The following PRRC2C variants were observed in gnomAD, a reference collection of about 807,000 sequenced individuals.
The protein encoded by PRRC2C is protein PRRC2C.
Under a neutral mutation model 317.2 loss-of-function variants are expected in PRRC2C, and 72 were observed. The observed-to-expected ratio is 0.23, with a 90% CI of 0.19 to 0.28. PRRC2C has a LOEUF of 0.28. Among genes scored for constraint, PRRC2C ranks in the 10% least tolerant of loss-of-function variants. PRRC2C has a pLI of 1.00. For synonymous variants in PRRC2C, 1,296 were observed against 1,205.9 expected (o/e 1.07, Z -1.55); for missense variants, 3,074 against 3,459.7 (o/e 0.89, Z 2.80).
chr1:171,532,898 C>T lies in PRRC2C; in HGVS notation c.1810C>T (p.Pro604Ser). Residue 604 changes from proline to serine, a missense_variant, in exon 12 of 35, where the codon CCC becomes TCC. Coordinates refer to ENST00000647382, the MANE Select transcript of PRRC2C (RefSeq NM_001387844.1). ...EREKLEEKIE[P>S]REPNLEPMVE... ...GGAAAAATTAGAGGAGAAAATTGAA[C>T]CCAGAGAACCTAATTTAGAGCCCAT... 6.3e-7 allele frequency: 1 copy of T among 1,577,020 alleles called. No homozygotes were observed. Among genetic ancestry groups the T allele is most frequent in the Non-Finnish European group, 8.5e-7 (1 of 1,171,292 alleles).
intron 1 of PRRC2C, among the ~76,000 whole-genome samples, chr1:171,492,728 A>G (rs968032451): frequency 7.2e-5 from 7 of 96,592 alleles, no homozygotes; most frequent in African/African-American, 2.5e-4. Context: ...GGGTAGGGGA[A>G]TTTTTTTAAT....
chr1:171,567,055 T>G (rs1683797693), intron 22 of PRRC2C, among the ~76,000 whole-genome samples: 1 of 152,224 alleles, frequency 6.6e-6, no homozygotes, highest in Admixed American at 6.5e-5. Context: ...AAATTTACTC[T>G]GAATTCTGGA....
At chr1:171,517,429 T>C (rs1238596751) in intron 5 of PRRC2C, among the ~76,000 whole-genome samples, 162 bp from the exon 6 acceptor site, 1 of 152,128 alleles carries the variant, frequency 6.6e-6, no homozygotes, top group Non-Finnish European at 1.5e-5. Flanking sequence ...TGGAAGCCAC[T>C]ACTACGCAAA....
Position 171,542,126 on chromosome 1 carries a change from C to G in PRRC2C, c.4660C>G (p.Gln1554Glu). Residue 1554 changes from glutamine (Q) to glutamate (E), a missense_variant, in exon 16 of 35, where the codon CAG becomes GAG. Physicochemically the swap from Gln to Glu is conservative, Grantham distance 29 (BLOSUM62 2). Around this residue, in one of 11 missense-constraint regions of PRRC2C, gnomAD observed 178 missense variants for 163.0 expected, o/e 1.09. Transcript: ENST00000647382. ...TTCTAGTCAGAGACCAGTAGATCGT[C>G]AGAATCGACGTGGCAACAATGGTCC... is the stretch of plus-strand genomic sequence containing the variant. ...SFSSQRPVDRQNRRGNNGPPK... is the reference protein window; with the variant it reads ...SFSSQRPVDRENRRGNNGPPK... 1 of 1,613,390 alleles carries G rather than the reference C, an allele frequency of 6.2e-7. No homozygotes were observed. The highest frequency in any genetic ancestry group is 8.5e-7 in the Non-Finnish European group (1 of 1,179,632).
chr1:171,528,016 A>G (rs759145865), intron 11 of PRRC2C, among the ~76,000 whole-genome samples, 172 bp downstream of exon 11: 4 of 152,122 alleles, frequency 2.6e-5, no homozygotes, highest in African/African-American at 4.8e-5. Context: ...TCAGTTGATA[A>G]GCATGCTTCA....
chr1:171,543,006 C>T (rs529650196), intron 16 of PRRC2C, among the ~76,000 whole-genome samples: 10 of 150,762 alleles, frequency 6.6e-5, no homozygotes, highest in South Asian at 2.1e-4. Flanking sequence ...GTGATCCACC[C>T]GCCTCGGCCT....
chr1:171,584,267 A>G, intron 29 of PRRC2C, 80 bp downstream of exon 29: 1 of 1,414,370 alleles, frequency 7.1e-7, no homozygotes, highest in Non-Finnish European at 9.7e-7. Flanking sequence ...TTTTAAAAGA[A>G]AACATGTTAG....
intron 10 of PRRC2C, among the ~76,000 whole-genome samples, chr1:171,526,181 C>A (rs1674529413): frequency 6.6e-6 from 1 of 152,000 alleles, no homozygotes; most frequent in South Asian, 2.1e-4. Context: ...TATTTTGTTC[C>A]ATTATGTTTT....
At chr1:171,575,176 AT>A in intron 25 of PRRC2C, 48 bp downstream of exon 25, 1 of 1,461,680 alleles carries the variant, frequency 6.8e-7, no homozygotes, top group Non-Finnish European at 9.3e-7. Context: ...ATTATTTAAA[AT>A]TTTTTATGAT....
rs186270461 is a variant in PRRC2C at position 171,588,959 on chromosome 1, C to G, written c.8200-410C>G. Reference sequence around the variant, plus strand: ...TGATCGTATAAAAGGACTAAGAACTCTCACAAACTAGAACTGGTTCCTGAG... The same window carrying G: ...TGATCGTATAAAAGGACTAAGAACTGTCACAAACTAGAACTGGTTCCTGAG... On this transcript the variant is annotated intron_variant, in intron 33 of 34. Transcript: ENST00000647382. Among the ~76,000 whole-genome samples the G allele has an allele frequency of 1.9e-3, 289 of 152,320 alleles. 1 individual carries two copies. The highest frequency in any genetic ancestry group is 2.8e-3 in the Non-Finnish European group (193 of 68,030).
At chr1:171,543,022 A>G (rs1678269708) in intron 16 of PRRC2C, among the ~76,000 whole-genome samples, 1 of 149,452 alleles carries the variant, frequency 6.7e-6, no homozygotes, top group South Asian at 2.2e-4. Context: ...GGCCTCCCAA[A>G]GTGCTGAGAT....
rs775722851 is a variant in PRRC2C, at chr1:171,532,952, T to C, written c.1864T>C (p.Cys622Arg). 1.3e-6 allele frequency: 2 copies of C among 1,552,118 alleles called. No individual in the cohort carries two copies. The highest frequency in any genetic ancestry group is 2.3e-5 in the East Asian group (1 of 44,124). ...MVEKQESENS[C>R]NKEEEPVFTR... ...AGAAAAACAAGAAAGTGAAAACAGC[T>C]GTAATAAAGGTTTGATAGTATTCTT... The change falls in exon 12 of 35, where the codon TGT (cysteine) becomes CGT (arginine). Residue 622 changes from cysteine (C) to arginine (R), a missense_variant. Cys to Arg is a radical substitution (Grantham distance 180, BLOSUM62 -3). This residue lies in a region of PRRC2C where 1,320 missense variants were observed against 1,395.7 expected (regional missense o/e 0.95). Transcript: ENST00000647382.
At position 171,517,834 on chromosome 1, in the gene PRRC2C, C is replaced by A; in HGVS notation, c.750+20C>A. 1 of 1,592,536 alleles carries A rather than the reference C, an allele frequency of 6.3e-7. No individual in the cohort carries two copies. Among genetic ancestry groups the A allele is most frequent in the Non-Finnish European group, 8.6e-7 (1 of 1,164,860 alleles). ...CCTTATGTGAGTATTGTTAAATGAACAAGCATTCAAACAAGTGGTTTTTGA... is the reference window on the plus strand; with the variant it reads ...CCTTATGTGAGTATTGTTAAATGAAAAAGCATTCAAACAAGTGGTTTTTGA... On this transcript the variant is annotated intron_variant, in intron 6 of 34. Transcript: ENST00000647382.
At position 171,568,344 on chromosome 1, in the gene PRRC2C, G is replaced by A; in HGVS notation, c.6651+5G>A. The stretch of plus-strand genomic sequence containing the variant: ...GAGGATACTTTGGTTAATAATGTAA[G>A]TAATCAGTTTGAGATGTGGCAAGTT... On this transcript the variant is annotated splice_donor_5th_base_variant and intron_variant, in intron 23 of 34. Transcript: ENST00000647382. The A allele has an allele frequency of 1.3e-6, 2 of 1,592,390 alleles. No homozygotes were observed. Among genetic ancestry groups the A allele is most frequent in the Non-Finnish European group, 1.7e-6 (2 of 1,167,858 alleles).
chr1:171,549,488 A>AT (rs1019286850), intron 17 of PRRC2C, among the ~76,000 whole-genome samples: 11 of 152,026 alleles, frequency 7.2e-5, no homozygotes, highest in Non-Finnish European at 1.3e-4. Context: ...GATAATTTTG[A>AT]TTTTTTTTCT....
intron 12 of PRRC2C, 98 bp downstream of exon 12, chr1:171,533,059 A>T: frequency 8.4e-7 from 1 of 1,185,280 alleles, no homozygotes. Flanking sequence ...TGTAATCAAT[A>T]TAAAAGTGAT....
chr1:171,499,190 C>G (rs145148766), intron 1 of PRRC2C, among the ~76,000 whole-genome samples: 8 of 152,284 alleles, frequency 5.3e-5, no homozygotes, highest in African/African-American at 1.7e-4. Flanking sequence ...CTTTTCCAGC[C>G]TCCTCAAATT....
Position 171,541,347 on chromosome 1 carries a change from G to C in PRRC2C, c.3881G>C (p.Arg1294Pro). ...GGCAAACTTCCCAAAAGAGAGGAAC[G>C]GCCTGAAAACAAAAAACCTGTAAAG... is the stretch of plus-strand genomic sequence containing the variant. The part of the protein sequence containing the change: ...SKGKLPKREE[R>P]PENKKPVKPH... The change falls in exon 16 of 35, where the codon CGG (arginine) becomes CCG (proline). Residue 1294 changes from arginine (R) to proline (P), a missense_variant. By Grantham distance (103) the Arg-to-Pro change is moderately radical. Coordinates refer to ENST00000647382, the MANE Select transcript of PRRC2C (RefSeq NM_001387844.1). The surrounding 1 kb of genome is among the most constrained non-coding windows in gnomAD (Gnocchi z 4.1). 6.2e-7 allele frequency: 1 copy of C among 1,611,938 alleles called. No individual in the cohort carries two copies. Among genetic ancestry groups the C allele is most frequent in the Non-Finnish European group, 8.5e-7 (1 of 1,179,408 alleles).
chr1:171,584,708 C>A (rs1649453674), intron 30 of PRRC2C, among the ~76,000 whole-genome samples, 182 bp downstream of exon 30: 1 of 152,110 alleles, frequency 6.6e-6, no homozygotes, highest in Admixed American at 6.6e-5. Context: ...GCTCATGACA[C>A]CCCCCTTCTC....
Sources: allele counts gnomAD v4.1 joint callset (sites outside exome capture counted in the v4.1 genomes callset), GRCh38; gene constraint gnomAD v4.1.1; regional missense constraint gnomAD v4.1.1; non-coding constraint Gnocchi (gnomAD v3.1); transcripts MANE v1.5; gene names NCBI Gene and HGNC (gene_info 2026-07-23, HGNC 2026-07-21).